The following MGAT5B variants were observed in gnomAD, a reference collection of about 807,000 sequenced individuals.
MGAT5B encodes the protein alpha-1,6-mannosylglycoprotein 6-beta-N-acetylglucosaminyltransferase B, also known as N-acetylglucosaminyl-transferase Vb.
Under a neutral mutation model 95.1 loss-of-function variants are expected in MGAT5B, and 54 were observed. That is an observed-to-expected ratio of 0.57 (90% confidence interval 0.46 to 0.71). MGAT5B has a LOEUF of 0.71. Ranked by LOEUF, MGAT5B falls within the 30% of genes least tolerant of loss-of-function variation. The pLI is 0.00. For synonymous variants in MGAT5B, 464 were observed against 451.0 expected (o/e 1.03, Z -0.36); for missense variants, 935 against 1,088.6 (o/e 0.86, Z 1.99).
intron 8 of MGAT5B, among the ~76,000 whole-genome samples, chr17:76,920,172 G>A (rs553965350): frequency 2.6e-5 from 4 of 152,342 alleles, no homozygotes; most frequent in South Asian, 4.1e-4. Context: ...GCAGATGGAG[G>A]GGTATGCAGC....
chr17:76,925,067 G>A lies in MGAT5B; in HGVS notation c.1127G>A (p.Arg376Gln), dbSNP rs201314937. The A allele has an allele frequency of 7.9e-5, 127 of 1,611,412 alleles. 1 individual carries two copies. The highest frequency in any genetic ancestry group is 7.8e-4 in the Admixed American group (47 of 59,906). Residue 376 changes from arginine to glutamine, a missense_variant, in exon 9 of 18, where the codon CGG (arginine) becomes CAG (glutamine). By Grantham distance (43) the Arg-to-Gln change is conservative. Coordinates refer to ENST00000569840, the MANE Select transcript of MGAT5B (RefSeq NM_001199172.2). ...TACCACGGCCTGCAGCAGATGAAGC[G>A]GCACATGGGACTCTCCTTCAAGAAG... ...TDYHGLQQMK[R>Q]HMGLSFKKYR...
chr17:76,900,916 T>TGTACATGTGTGCGTGC (rs1968286102), intron 3 of MGAT5B, among the ~76,000 whole-genome samples: 1 of 151,150 alleles, frequency 6.6e-6, no homozygotes. Flanking sequence ...TGTGTGCGTG[T>TGTACATGTGTGCGTGC]GTACATGTGT....
rs773740411 is a variant in MGAT5B, at chr17:76,926,580, G to C, written c.1158-17G>C. 1.8e-5 allele frequency: 29 copies of C among 1,602,344 alleles called. No homozygotes were observed. In the East Asian group the frequency reaches 3.1e-4, roughly 17 times the overall value. ...GGGAGGTTGCTGACCCTGGTTCCTG[G>C]TCCCCTGGGGGGGCAGGTGCCGAAT... On this transcript the variant is annotated splice_polypyrimidine_tract_variant and intron_variant, in intron 9 of 17. Coordinates refer to ENST00000569840, the MANE Select transcript of MGAT5B (RefSeq NM_001199172.2).
chr17:76,908,635 A>T (rs965689123), intron 8 of MGAT5B, among the ~76,000 whole-genome samples: 4 of 151,996 alleles, frequency 2.6e-5, no homozygotes, highest in Non-Finnish European at 5.9e-5. Context: ...ATTTATGGGG[A>T]TGGGTGATAT....
Position 76,947,974 on chromosome 17 carries a change from C to A in MGAT5B, c.2068C>A (p.Arg690=), listed in dbSNP as rs765459462. 2.5e-6 allele frequency: 4 copies of A among 1,611,856 alleles called. No individual in the cohort carries two copies. Among genetic ancestry groups the A allele is most frequent in the Non-Finnish European group, 3.4e-6 (4 of 1,179,132 alleles). The change falls in exon 17 of 18, where the codon CGG becomes AGG. Residue 690 remains arginine (R), a synonymous_variant. Coordinates refer to ENST00000569840, the MANE Select transcript of MGAT5B (RefSeq NM_001199172.2). ...PGAWPPAHAL[R]AWLAVPGRAC... ...GGCCTGGCCCCCCGCGCACGCCCTG[C>A]GGGCCTGGCTGGCCGTGCCTGGGAG... is the stretch of plus-strand genomic sequence containing the variant.
At chr17:76,945,756 G>C (rs1465076257) in intron 15 of MGAT5B, among the ~76,000 whole-genome samples, 1 of 152,198 alleles carries the variant, frequency 6.6e-6, no homozygotes, top group Non-Finnish European at 1.5e-5. Flanking sequence ...CAGAGCTGGG[G>C]ATGCCTTTTC....
chr17:76,913,563 C>T (rs980025909), intron 8 of MGAT5B: 20 of 387,844 alleles, frequency 5.2e-5, no homozygotes, highest in African/African-American at 1.0e-4. Context: ...GGGTCTTGGC[C>T]GTTGACAGTG....
rs755478125 is a variant in MGAT5B at position 76,914,394 on chromosome 17, C to G, written c.1025+8207C>G. 7.2e-5 allele frequency among the ~76,000 whole-genome samples: 11 copies of G among 152,154 alleles called. No homozygotes were observed. Among genetic ancestry groups the G allele is most frequent in the Non-Finnish European group, 1.2e-4 (8 of 68,032 alleles). Reference sequence around the variant, plus strand: ...GAATCGCAGGCAGGTGTGTTTGCCTCCTGGGGGTGACCAGTCAAAAGACCA... The same window carrying G: ...GAATCGCAGGCAGGTGTGTTTGCCTGCTGGGGGTGACCAGTCAAAAGACCA... On this transcript the variant is annotated intron_variant, in intron 8 of 17. Coordinates refer to ENST00000569840, the MANE Select transcript of MGAT5B (RefSeq NM_001199172.2). This position sits in a 1 kb window ranked among gnomAD's most constrained non-coding sequence, Gnocchi z 5.1.
rs1183598009 is a variant in MGAT5B, at chr17:76,938,180, C to A, written c.1584+37C>A. On this transcript the variant is annotated intron_variant, in intron 13 of 17. Transcript: ENST00000569840. This position sits in a 1 kb window ranked among gnomAD's most constrained non-coding sequence, Gnocchi z 4.3. ...TCCCCCGCACCATTCTCACACTTGCCGGCTGCAGACACTGAGGTCACCACC... is the reference window on the plus strand; with the variant it reads ...TCCCCCGCACCATTCTCACACTTGCAGGCTGCAGACACTGAGGTCACCACC... 3 of 1,606,940 alleles carry A rather than the reference C, an allele frequency of 1.9e-6. No individual in the cohort carries two copies. The highest frequency in any genetic ancestry group is 2.7e-5 in the African/African-American group (2 of 74,958).
At chr17:76,934,571 C>T (rs994941020) in intron 12 of MGAT5B, among the ~76,000 whole-genome samples, 2 of 152,098 alleles carry the variant, frequency 1.3e-5, no homozygotes, top group Non-Finnish European at 2.9e-5. Flanking sequence ...CAGGGAAGCC[C>T]GGGAAGCTGT....
chr17:76,935,492 A>C (rs2145263293), intron 12 of MGAT5B, among the ~76,000 whole-genome samples: 1 of 104,968 alleles, frequency 9.5e-6, no homozygotes, highest in Non-Finnish European at 2.1e-5. Context: ...CAGTCTTGTA[A>C]ATTTCAGCCG....
rs1175574851 is a variant in MGAT5B at position 76,918,443 on chromosome 17, G to C, written c.1026-6523G>C. Among the ~76,000 whole-genome samples, 1 of 152,220 alleles carries C rather than the reference G, an allele frequency of 6.6e-6. No homozygotes were observed. Among genetic ancestry groups the C allele is most frequent in the Non-Finnish European group, 1.5e-5 (1 of 68,028 alleles). ...TGAGGGCAGGGCCATCCCAGTGACT[G>C]CGTAAAGCAACTCTGGGCTGCTTCT... On this transcript the variant is annotated intron_variant, in intron 8 of 17. Coordinates refer to ENST00000569840, the MANE Select transcript of MGAT5B (RefSeq NM_001199172.2). The surrounding 1 kb of genome is among the most constrained non-coding windows in gnomAD (Gnocchi z 5.1).
intron 12 of MGAT5B, among the ~76,000 whole-genome samples, chr17:76,934,045 G>A (rs969101100): frequency 1.3e-5 from 2 of 152,218 alleles, no homozygotes; most frequent in African/African-American, 4.8e-5. Context: ...GATGCTGGGT[G>A]GCATTATTTC....
intron 3 of MGAT5B, among the ~76,000 whole-genome samples, chr17:76,898,476 G>C (rs34504569): frequency 2.5e-5 from 3 of 120,328 alleles, no homozygotes; most frequent in Non-Finnish European, 5.2e-5. Context: ...TTACAGGCGC[G>C]CACCACCACA....
At chr17:76,932,090 C>T (rs1277076450) in intron 10 of MGAT5B, among the ~76,000 whole-genome samples, 2 of 140,952 alleles carry the variant, frequency 1.4e-5, no homozygotes, top group Non-Finnish European at 3.1e-5. Flanking sequence ...CCTCCTCCCC[C>T]CCCCCTTCTT....
chr17:76,902,839 T>C (rs563574618), intron 4 of MGAT5B, among the ~76,000 whole-genome samples, 169 bp downstream of exon 4: 32 of 138,216 alleles, frequency 2.3e-4, no homozygotes, highest in African/African-American at 9.2e-4. Flanking sequence ...CAACTGGGGG[T>C]TCACTCCCTC....
chr17:76,932,124 T>TCTTCTC (rs1374445651), intron 10 of MGAT5B, among the ~76,000 whole-genome samples: 13 of 54,486 alleles, frequency 2.4e-4, no homozygotes, highest in African/African-American at 7.3e-4. Flanking sequence ...GTCTTCTTTG[T>TCTTCTC]CTTCTCCTTC....
In MGAT5B at chr17:76,915,070, A is replaced by G. The variant is rs925368578; in HGVS notation, c.1025+8883A>G. Among the ~76,000 whole-genome samples the G allele has an allele frequency of 1.1e-4, 17 of 152,154 alleles. No individual in the cohort carries two copies. The highest frequency in any genetic ancestry group is 3.9e-4 in the African/African-American group (16 of 41,442). ...CACATTCACAGGTACGGGGATTAGGACTTCACCCTCCTTCAGCGGCCACAG... is the reference window on the plus strand; with the variant it reads ...CACATTCACAGGTACGGGGATTAGGGCTTCACCCTCCTTCAGCGGCCACAG... On this transcript the variant is annotated intron_variant, in intron 8 of 17. Transcript: ENST00000569840. This position sits in a 1 kb window ranked among gnomAD's most constrained non-coding sequence, Gnocchi z 8.7.
rs1968779548 is a variant in MGAT5B at position 76,912,562 on chromosome 17, A to C, written c.1025+6375A>C. Among the ~76,000 whole-genome samples the C allele has an allele frequency of 6.6e-6, 1 of 151,932 alleles. No homozygotes were observed. Among genetic ancestry groups the C allele is most frequent in the Non-Finnish European group, 1.5e-5 (1 of 68,008 alleles). On this transcript the variant is annotated intron_variant, in intron 8 of 17. Coordinates refer to ENST00000569840, the MANE Select transcript of MGAT5B (RefSeq NM_001199172.2). The surrounding 1 kb of genome is among the most constrained non-coding windows in gnomAD (Gnocchi z 5.0). ...TAGTTTATTCGCAGATGTTCACGGC[A>C]GATGTCCTGGCCACTGATGGAGCAA...
Sources: gnomAD v4.1 joint callset for allele counts (sites outside exome capture counted in the v4.1 genomes callset) on GRCh38, gnomAD v4.1.1 for gene constraint, Gnocchi (gnomAD v3.1) non-coding constraint, MANE v1.5 for transcripts, NCBI Gene and HGNC (gene_info 2026-07-23, HGNC 2026-07-21) for gene names.